The following PTPRM variants were observed in gnomAD, a reference collection of about 807,000 sequenced individuals.
The protein encoded by PTPRM is receptor-type tyrosine-protein phosphatase mu.
PTPRM carries 47 observed loss-of-function variants against 186.7 expected under a neutral mutation model. The observed-to-expected ratio is 0.25, with a 90% CI of 0.20 to 0.32. The LOEUF (loss-of-function observed/expected upper bound fraction) is 0.32. Ranked by LOEUF, PTPRM falls within the 10% of genes least tolerant of loss-of-function variation. PTPRM has a pLI of 1.00. For synonymous variants in PTPRM, 668 were observed against 674.9 expected (o/e 0.99, Z 0.16); for missense variants, 1,494 against 1,865.0 (o/e 0.80, Z 3.66).
chr18:8,341,024 G>A (rs1269708233), intron 22 of PTPRM, among the ~76,000 whole-genome samples: 2 of 150,916 alleles, frequency 1.3e-5, no homozygotes, highest in Non-Finnish European at 2.9e-5. Context: ...TGGGGAAACT[G>A]AGAGGAGTGA....
chr18:8,251,984 A>G (rs964049213), intron 17 of PTPRM, among the ~76,000 whole-genome samples: 1 of 152,208 alleles, frequency 6.6e-6, no homozygotes, highest in Non-Finnish European at 1.5e-5. Flanking sequence ...CATTATAATG[A>G]GTTAACCTGT....
chr18:7,783,223 G>T (rs1375675758), intron 2 of PTPRM, among the ~76,000 whole-genome samples: 1 of 152,126 alleles, frequency 6.6e-6, no homozygotes, highest in African/African-American at 2.4e-5. Context: ...GCAAGGGGAT[G>T]GTTATGCTAC....
At chr18:8,008,153 G>A (rs1462667125) in intron 7 of PTPRM, among the ~76,000 whole-genome samples, 1 of 152,152 alleles carries the variant, frequency 6.6e-6, no homozygotes, top group Non-Finnish European at 1.5e-5. Context: ...TGGGGTTAGT[G>A]CCTGTGTAAT....
intron 31 of PTPRM, among the ~76,000 whole-genome samples, chr18:8,390,820 T>C (rs7230093): frequency 0.071 from 10,774 of 151,842 alleles, 429 homozygotes; most frequent in East Asian, 0.12. Context: ...CCCAGCTACT[T>C]GGGAGGCTGA....
At chr18:7,897,302 A>G (rs1165875899) in intron 3 of PTPRM, among the ~76,000 whole-genome samples, 1 of 152,172 alleles carries the variant, frequency 6.6e-6, no homozygotes, top group Non-Finnish European at 1.5e-5. Flanking sequence ...GAATACTGAT[A>G]TGTGCCAGTT....
intron 1 of PTPRM, among the ~76,000 whole-genome samples, chr18:7,696,243 T>A (rs1313109063): frequency 6.6e-6 from 1 of 152,208 alleles, no homozygotes; most frequent in African/African-American, 2.4e-5. Flanking sequence ...TTACTTTATT[T>A]CTTAATAAGA....
At chr18:7,612,345 C>A (rs2037696643) in intron 1 of PTPRM, among the ~76,000 whole-genome samples, 1 of 152,114 alleles carries the variant, frequency 6.6e-6, no homozygotes, top group Non-Finnish European at 1.5e-5. Context: ...GATCCTTATT[C>A]TGCTTGAGAA....
chr18:8,266,636 G>A (rs114742345), intron 19 of PTPRM, among the ~76,000 whole-genome samples: 10,341 of 152,180 alleles, frequency 0.068, 398 homozygotes, highest in Middle Eastern at 0.12. Context: ...TTGGCTGGAT[G>A]CCACGGCTCA....
At chr18:7,996,692 T>TGC (rs1383716657) in intron 7 of PTPRM, among the ~76,000 whole-genome samples, 1 of 151,884 alleles carries the variant, frequency 6.6e-6, no homozygotes, top group Non-Finnish European at 1.5e-5. Flanking sequence ...TCAATAATGA[T>TGC]GCAGGGTACA....
At chr18:8,249,978 G>T (rs2094512692) in intron 17 of PTPRM, among the ~76,000 whole-genome samples, 1 of 152,162 alleles carries the variant, frequency 6.6e-6, no homozygotes, top group Non-Finnish European at 1.5e-5. Context: ...GAGTAACAAG[G>T]ATTGGTGAGG....
chr18:7,867,639 T>C (rs1415797820), intron 2 of PTPRM, among the ~76,000 whole-genome samples: 1 of 152,232 alleles, frequency 6.6e-6, no homozygotes. Flanking sequence ...TATTTTATCC[T>C]TCATTTCAAC....
intron 7 of PTPRM, among the ~76,000 whole-genome samples, chr18:8,023,156 G>A (rs1030378196): frequency 2.6e-5 from 4 of 152,178 alleles, no homozygotes; most frequent in South Asian, 2.1e-4. Context: ...AGGGAGGATC[G>A]TGGATGGGAT....
intron 1 of PTPRM, among the ~76,000 whole-genome samples, chr18:7,614,235 C>A (rs1023989255): frequency 1.3e-5 from 2 of 152,112 alleles, no homozygotes; most frequent in African/African-American, 4.8e-5. Context: ...GTACAAACAC[C>A]AAGGCCAAAT....
At chr18:8,117,442 C>T (rs1248532015) in intron 13 of PTPRM, among the ~76,000 whole-genome samples, 1 of 152,138 alleles carries the variant, frequency 6.6e-6, no homozygotes, top group Admixed American at 6.5e-5. Flanking sequence ...GATTTGTTTT[C>T]ACTAAGAGCT....
At chr18:7,918,228 G>C (rs1294665887) in intron 4 of PTPRM, among the ~76,000 whole-genome samples, 1 of 152,078 alleles carries the variant, frequency 6.6e-6, no homozygotes, top group Non-Finnish European at 1.5e-5. Context: ...TTGATATATT[G>C]ATTTCCTTTC....
chr18:8,244,280 A>T, intron 15 of PTPRM, 71 bp downstream of exon 15: 38 of 1,039,346 alleles, frequency 3.7e-5, no homozygotes, highest in African/African-American at 5.1e-5. Flanking sequence ...GTACTAGGGG[A>T]TTTCAAAAAA....
chr18:8,239,599 C>T lies in PTPRM; in HGVS notation c.2301-4459C>T, dbSNP rs546295163. Among the ~76,000 whole-genome samples, 6 of 152,306 alleles carry T rather than the reference C, an allele frequency of 3.9e-5. No homozygotes were observed. In the South Asian group the frequency reaches 6.2e-4, roughly 16 times the overall value. ...TTTCCTGGCTAGGTTCTGGCTCTCA[C>T]AGAGGTTTCTGTTCATGAAGTTCAG... On this transcript the variant is annotated intron_variant, in intron 14 of 32. Coordinates refer to ENST00000580170, the MANE Select transcript of PTPRM (RefSeq NM_001105244.2).
chr18:8,403,455 C>T (rs1336930807), intron 32 of PTPRM: 2 of 152,080 alleles, frequency 1.3e-5, no homozygotes, highest in East Asian at 3.8e-4. Context: ...CAGTGTTTTG[C>T]ATTCCTACCA....
chr18:7,745,818 A>T (rs536764295), intron 1 of PTPRM, among the ~76,000 whole-genome samples: 123 of 152,346 alleles, frequency 8.1e-4, no homozygotes, highest in African/African-American at 2.8e-3. Context: ...ATTGAAGACA[A>T]GGCTGAGAAT....
Sources: gnomAD v4.1 joint callset for allele counts (sites outside exome capture counted in the v4.1 genomes callset) on GRCh38, gnomAD v4.1.1 for gene constraint, MANE v1.5 for transcripts, NCBI Gene and HGNC (gene_info 2026-07-23, HGNC 2026-07-21) for gene names.